Variants in PHF20 observed in about 807,000 individuals in gnomAD.
PHF20 encodes PHD finger protein 20.
Under a neutral mutation model 113.5 loss-of-function variants are expected in PHF20, and 23 were observed. The ratio of observed to expected loss-of-function variants is 0.20; its 90% confidence interval spans 0.15 to 0.29. The LOEUF is 0.29. PHF20 is among the 10% of genes least tolerant of loss of function. The pLI is 1.00. For synonymous variants in PHF20, 434 were observed against 457.3 expected (o/e 0.95, Z 0.65); for missense variants, 943 against 1,219.6 (o/e 0.77, Z 3.38).
chr20:35,873,460 TTTTTTG>T (rs2054460575), intron 9 of PHF20, among the ~76,000 whole-genome samples: 1 of 134,694 alleles, frequency 7.4e-6, no homozygotes, highest in Non-Finnish European at 1.6e-5. Context: ...TTTTGTCTGT[TTTTTTG>T]TTTTTTTTTT....
intron 12 of PHF20, among the ~76,000 whole-genome samples, chr20:35,915,671 C>T (rs2055391256): frequency 6.6e-6 from 1 of 152,104 alleles, no homozygotes; most frequent in African/African-American, 2.4e-5. Flanking sequence ...AGGCATGAGC[C>T]ACCGTGCCTG....
chr20:35,774,770 G>A (rs1257070722), intron 1 of PHF20: 3 of 152,198 alleles, frequency 2.0e-5, no homozygotes, highest in Non-Finnish European at 4.4e-5. Flanking sequence ...GATGCCGAGG[G>A]ATTTAATGAT....
chr20:35,933,724 G>C (rs537304317), intron 15 of PHF20, among the ~76,000 whole-genome samples: 26 of 152,146 alleles, frequency 1.7e-4, no homozygotes, highest in Admixed American at 1.7e-3. Flanking sequence ...GTAGAGATGG[G>C]GTTTCACCAT....
At chr20:35,777,033 G>A (rs951782881) in intron 1 of PHF20, among the ~76,000 whole-genome samples, 2 of 152,164 alleles carry the variant, frequency 1.3e-5, no homozygotes, top group East Asian at 3.8e-4. Context: ...AGCTGAGGCA[G>A]CCAGCTTGTT....
At chr20:35,778,718 G>A (rs1404810585) in intron 1 of PHF20, among the ~76,000 whole-genome samples, 2 of 149,538 alleles carry the variant, frequency 1.3e-5, no homozygotes, top group East Asian at 2.0e-4. Context: ...ACACCACTGC[G>A]CTTCAGCCTG....
At position 35,842,755 on chromosome 20, in the gene PHF20, A is replaced by T; in HGVS notation, c.255+11A>T. The T allele has an allele frequency of 6.2e-7, 1 of 1,611,594 alleles. No homozygotes were observed. Among genetic ancestry groups the T allele is most frequent in the South Asian group, 1.1e-5 (1 of 90,624 alleles). ...GAGGATGGATCTTCTGTGAGTAACA[A>T]ATCTGGGAAGTTCTGTAGTATGCAA... is the stretch of plus-strand genomic sequence containing the variant. On this transcript the variant is annotated intron_variant, in intron 3 of 17. Coordinates refer to ENST00000374012, the MANE Select transcript of PHF20 (RefSeq NM_016436.5).
At chr20:35,850,603 T>G (rs2042710960) in intron 4 of PHF20, 2 of 86,736 alleles carry the variant, frequency 2.3e-5, no homozygotes, top group South Asian at 5.9e-4. Flanking sequence ...TTTTTTTTTT[T>G]TTTTTTTTTT....
chr20:35,914,751 C>A (rs993419095), intron 12 of PHF20, among the ~76,000 whole-genome samples: 9 of 151,658 alleles, frequency 5.9e-5, no homozygotes, highest in Admixed American at 5.9e-4. Context: ...GTCACTTGAG[C>A]CCAGAAGTTT....
chr20:35,931,564 T>A, intron 15 of PHF20, 120 bp downstream of exon 15: 1 of 663,462 alleles, frequency 1.5e-6, no homozygotes, highest in Non-Finnish European at 2.4e-6. Flanking sequence ...TTTGAGACCT[T>A]TACTAAAAAT....
intron 1 of PHF20, among the ~76,000 whole-genome samples, chr20:35,782,843 A>G (rs2041329638): frequency 6.6e-6 from 1 of 152,118 alleles, no homozygotes; most frequent in Non-Finnish European, 1.5e-5. Context: ...CAGTCATTGG[A>G]AATATCAGTA....
chr20:35,872,161 G>C (rs2054433716), intron 9 of PHF20, among the ~76,000 whole-genome samples: 1 of 147,958 alleles, frequency 6.8e-6, no homozygotes, highest in Admixed American at 6.7e-5. Flanking sequence ...ATTGATTTTA[G>C]ATCTTTCTTC....
intron 5 of PHF20, among the ~76,000 whole-genome samples, chr20:35,860,172 C>T (rs977383526): frequency 1.3e-5 from 2 of 151,782 alleles, no homozygotes; most frequent in Non-Finnish European, 2.9e-5. Flanking sequence ...CCACCTTGGA[C>T]TCCTAAAGTG....
chr20:35,841,541 G>A (rs765182681), intron 2 of PHF20, among the ~76,000 whole-genome samples: 1 of 152,134 alleles, frequency 6.6e-6, no homozygotes, highest in Non-Finnish European at 1.5e-5. Flanking sequence ...GGAGGCTGAG[G>A]TGGGCGGATC....
At chr20:35,881,048 C>CTTTTTTTTTTTTTTTTTTTTT (rs773060725) in intron 9 of PHF20, among the ~76,000 whole-genome samples, 1 of 109,756 alleles carries the variant, frequency 9.1e-6, no homozygotes, top group Admixed American at 9.8e-5. Flanking sequence ...CTCTAAATAC[C>CTTTTTTTTTTTTTTTTTTTTT]TTTTTTTTTT....
At chr20:35,832,651 C>T (rs940690469) in intron 2 of PHF20, among the ~76,000 whole-genome samples, 3 of 152,026 alleles carry the variant, frequency 2.0e-5, no homozygotes, top group South Asian at 2.1e-4. Context: ...GGAGCATACT[C>T]GGTATGGGAA....
At chr20:35,944,164 G>A (rs2056042905) in intron 17 of PHF20, among the ~76,000 whole-genome samples, 1 of 152,214 alleles carries the variant, frequency 6.6e-6, no homozygotes, top group African/African-American at 2.4e-5. Flanking sequence ...TTGGGATGGT[G>A]CAGCACATGG....
intron 10 of PHF20, among the ~76,000 whole-genome samples, chr20:35,900,041 G>T (rs2053461836): frequency 6.6e-6 from 1 of 152,122 alleles, no homozygotes; most frequent in Non-Finnish European, 1.5e-5. Flanking sequence ...TAACCAAAAG[G>T]TGATATGTGA....
At chr20:35,940,186 G>A (rs1336634786) in intron 16 of PHF20, among the ~76,000 whole-genome samples, 2 of 152,142 alleles carry the variant, frequency 1.3e-5, no homozygotes, top group African/African-American at 4.8e-5. Flanking sequence ...CATTTCAAAT[G>A]GATGAATGAA....
chr20:35,878,662 A>G lies in PHF20; in HGVS notation c.1282+6833A>G, dbSNP rs995845093. On this transcript the variant is annotated intron_variant, in intron 9 of 17. Transcript: ENST00000374012. The stretch of plus-strand genomic sequence containing the variant: ...TGATCCACATGGGTGTGGCAGCCCA[A>G]GGCTTTGTTGTAGGAGCAATGACTG... 5 of 788,972 alleles carry G rather than the reference A, an allele frequency of 6.3e-6. No homozygotes were observed. In the African/African-American group the frequency reaches 8.5e-5, roughly 13 times the overall value. The allele number at this position is 788,972 out of a possible 1,614,324, so 48.9% of individuals were successfully genotyped here. A position where few individuals can be genotyped will look rare whatever the true frequency, so the allele number is the denominator to read the frequency against.
Sources: gnomAD v4.1 joint callset for allele counts (sites outside exome capture counted in the v4.1 genomes callset) on GRCh38, gnomAD v4.1.1 for gene constraint, MANE v1.5 for transcripts, NCBI Gene and HGNC (gene_info 2026-07-23, HGNC 2026-07-21) for gene names.